The following EEIG2 variants were observed in gnomAD, a reference collection of about 807,000 sequenced individuals.
EEIG2 encodes family with sequence similarity 102 member B.
At chr1:108,564,972 A>G in the EEIG2 span, among the ~76,000 whole-genome samples, 5 of 152,152 alleles carry the variant, frequency 3.3e-5, no homozygotes, top group Non-Finnish European at 7.3e-5. Flanking sequence ...AAAAATAAAG[A>G]TTATTAGTGA....
chr1:108,615,595 C>T, the EEIG2 span, among the ~76,000 whole-genome samples: 21 of 151,282 alleles, frequency 1.4e-4, no homozygotes, highest in African/African-American at 4.9e-4. Flanking sequence ...ACAACATAAG[C>T]AAGACCTCAT....
the EEIG2 span, among the ~76,000 whole-genome samples, chr1:108,610,142 G>A: frequency 3.9e-5 from 6 of 152,200 alleles, no homozygotes; most frequent in African/African-American, 1.4e-4. Context: ...GAGAGACAAA[G>A]GGTGAGGTTT....
At chr1:108,560,551 C>T in the EEIG2 span, 61 of 1,611,108 alleles carry the variant, frequency 3.8e-5, no homozygotes, top group Non-Finnish European at 5.0e-5. Flanking sequence ...GCAGCTTCAC[C>T]GCCGAGTCCT....
the EEIG2 span, among the ~76,000 whole-genome samples, chr1:108,592,541 T>C: frequency 2.6e-5 from 4 of 152,200 alleles, no homozygotes; most frequent in South Asian, 8.3e-4. Context: ...GTCAGTCTAC[T>C]ACTTGGGAGG....
chr1:108,576,991 A>T, the EEIG2 span, among the ~76,000 whole-genome samples: 1 of 150,542 alleles, frequency 6.6e-6, no homozygotes, highest in South Asian at 2.1e-4. Flanking sequence ...CTGCCATTCT[A>T]ACTGGTGTGA....
chr1:108,563,306 T>C, the EEIG2 span, among the ~76,000 whole-genome samples: 2 of 152,216 alleles, frequency 1.3e-5, no homozygotes, highest in African/African-American at 4.8e-5. Context: ...ATTTTGGGCA[T>C]TGAGTCTCTA....
the EEIG2 span, among the ~76,000 whole-genome samples, chr1:108,566,282 A>G: frequency 6.6e-6 from 1 of 152,166 alleles, no homozygotes; most frequent in African/African-American, 2.4e-5. Context: ...CAAGCTTGGT[A>G]TACATCCATT....
the EEIG2 span, among the ~76,000 whole-genome samples, chr1:108,628,968 TAATGAG>T: frequency 4.6e-5 from 7 of 152,224 alleles, no homozygotes; most frequent in African/African-American, 7.2e-5. Flanking sequence ...GCTCATTTAT[TAATGAG>T]AATGAGTATT....
the EEIG2 span, among the ~76,000 whole-genome samples, chr1:108,572,898 G>A: frequency 6.6e-6 from 1 of 152,150 alleles, no homozygotes; most frequent in South Asian, 2.1e-4. Flanking sequence ...CTTTCACTTA[G>A]TAATATGCAT....
the EEIG2 span, among the ~76,000 whole-genome samples, chr1:108,618,043 A>G: frequency 5.6e-4 from 86 of 152,346 alleles, 3 homozygotes; most frequent in East Asian, 0.013. Context: ...GTTTTGCTAT[A>G]AAAAAGAAAC....
At chr1:108,609,546 A>G in the EEIG2 span, among the ~76,000 whole-genome samples, 1 of 152,194 alleles carries the variant, frequency 6.6e-6, no homozygotes, top group Admixed American at 6.5e-5. Context: ...AAGTTATAAG[A>G]AAATCCGAGA....
chr1:108,596,723 G>A, the EEIG2 span, among the ~76,000 whole-genome samples: 1 of 151,280 alleles, frequency 6.6e-6, no homozygotes, highest in African/African-American at 2.4e-5. Flanking sequence ...TTTTGTTCAA[G>A]TTGCTATTTT....
chr1:108,578,485 A>C, the EEIG2 span, among the ~76,000 whole-genome samples: 1 of 113,190 alleles, frequency 8.8e-6, no homozygotes, highest in South Asian at 3.5e-4. Context: ...TCAATACCTA[A>C]TTTATTGAGA....
At chr1:108,617,936 T>C in the EEIG2 span, among the ~76,000 whole-genome samples, 1 of 152,164 alleles carries the variant, frequency 6.6e-6, no homozygotes, top group African/African-American at 2.4e-5. Flanking sequence ...GGCACTTTGG[T>C]AGAATGCCCT....
the EEIG2 span, among the ~76,000 whole-genome samples, chr1:108,598,983 T>C: frequency 2.6e-5 from 4 of 151,936 alleles, no homozygotes; most frequent in East Asian, 7.7e-4. Context: ...CTGGATAACA[T>C]AGAGAGACCC....
At chr1:108,583,057 A>G in the EEIG2 span, among the ~76,000 whole-genome samples, 1 of 152,156 alleles carries the variant, frequency 6.6e-6, no homozygotes, top group Non-Finnish European at 1.5e-5. Context: ...ATCAGAGGTA[A>G]TCACTGCTAA....
the EEIG2 span, among the ~76,000 whole-genome samples, chr1:108,561,967 T>G: frequency 1.3e-5 from 2 of 152,214 alleles, no homozygotes; most frequent in African/African-American, 4.8e-5. Flanking sequence ...CGGGGCTTCC[T>G]TCCTACCTCA....
At chr1:108,606,177 A>T in the EEIG2 span, 1 of 1,250,132 alleles carries the variant, frequency 8.0e-7, no homozygotes, top group East Asian at 2.5e-5. Flanking sequence ...TTAATTTTAA[A>T]TCTTTCATTA....
At chr1:108,604,670 T>C in the EEIG2 span, among the ~76,000 whole-genome samples, 1 of 151,922 alleles carries the variant, frequency 6.6e-6, no homozygotes, top group Non-Finnish European at 1.5e-5. Flanking sequence ...TACTGAGATG[T>C]TGAATAAGAT....
Sources: allele counts gnomAD v4.1 joint callset (sites outside exome capture counted in the v4.1 genomes callset), GRCh38; gene constraint gnomAD v4.1.1; transcripts MANE v1.5; gene names NCBI Gene and HGNC (gene_info 2026-07-23, HGNC 2026-07-21).